The following PID1 variants were observed in gnomAD, a reference collection of about 807,000 sequenced individuals.
PID1 encodes PTB-containing, cubilin and LRP1-interacting protein.
A neutral mutation model predicts 19.1 loss-of-function variants in PID1; 10 were observed. That is an observed-to-expected ratio of 0.52 (90% CI 0.32 to 0.89). PID1 has a LOEUF of 0.89. PID1 is among the 40% of genes least tolerant of loss of function. The pLI, the probability that PID1 is intolerant of heterozygous loss-of-function variation, is 0.03. For synonymous variants in PID1, 130 were observed against 116.0 expected (o/e 1.12, Z -0.78); for missense variants, 248 against 285.3 (o/e 0.87, Z 0.94).
chr2:229,153,867 C>T (rs368963765), intron 2 of PID1, among the ~76,000 whole-genome samples: 3 of 152,298 alleles, frequency 2.0e-5, no homozygotes. Flanking sequence ...CTTAATTCTC[C>T]TCCATATACT....
In PID1 at chr2:229,237,001, C is replaced by CACAT. The variant is rs1273545641; in HGVS notation, c.30+34012_30+34013insATGT. On this transcript the variant is annotated intron_variant, in intron 1 of 2. Transcript: ENST00000392055. ...TTACACACACATACACACACACACA[C>CACAT]ACACACACACACACACACACACACT... is the stretch of plus-strand genomic sequence containing the variant. Among the ~76,000 whole-genome samples, 6 of 151,480 alleles carry CACAT rather than the reference C, an allele frequency of 4.0e-5. No individual in the cohort carries two copies. In the East Asian group the frequency reaches 1.2e-3, roughly 29 times the overall value.
intron 1 of PID1, among the ~76,000 whole-genome samples, chr2:229,176,837 G>C (rs977995669): frequency 1.3e-5 from 2 of 152,154 alleles, no homozygotes; most frequent in African/African-American, 4.8e-5. Context: ...ACAACAGCAA[G>C]GGTTGCCTGA....
intron 1 of PID1, among the ~76,000 whole-genome samples, chr2:229,197,315 C>T (rs541053270): frequency 2.6e-5 from 4 of 151,856 alleles, no homozygotes; most frequent in African/African-American, 9.7e-5. Context: ...AATAAAATTC[C>T]TAAAGAGAAG....
At chr2:229,040,679 G>T (rs928695639) in intron 2 of PID1, among the ~76,000 whole-genome samples, 3 of 152,194 alleles carry the variant, frequency 2.0e-5, no homozygotes, top group South Asian at 4.2e-4. Flanking sequence ...AAACATAACT[G>T]CAGTGAAGAG....
At chr2:229,267,223 C>G (rs996879914) in intron 1 of PID1, among the ~76,000 whole-genome samples, 1 of 152,198 alleles carries the variant, frequency 6.6e-6, no homozygotes, top group Non-Finnish European at 1.5e-5. Flanking sequence ...TGGGGTCCTC[C>G]CTACTCTTCA....
At chr2:229,196,673 T>C (rs1022328907) in intron 1 of PID1, among the ~76,000 whole-genome samples, 1 of 152,006 alleles carries the variant, frequency 6.6e-6, no homozygotes, top group Admixed American at 6.6e-5. Flanking sequence ...AGGGCAGACT[T>C]TGTGGTCAGA....
intron 2 of PID1, among the ~76,000 whole-genome samples, chr2:229,061,767 T>C (rs1303691635): frequency 2.6e-5 from 4 of 152,000 alleles, no homozygotes; most frequent in African/African-American, 4.8e-5. Flanking sequence ...ATTCATGTTG[T>C]CCACAATTTC....
chr2:229,129,674 C>A (rs1252746493), intron 2 of PID1, among the ~76,000 whole-genome samples: 1 of 152,110 alleles, frequency 6.6e-6, no homozygotes, highest in African/African-American at 2.4e-5. Flanking sequence ...GATCAAGAAG[C>A]ACATTTCTAG....
At chr2:229,186,102 G>C (rs1430666184) in intron 1 of PID1, among the ~76,000 whole-genome samples, 1 of 152,148 alleles carries the variant, frequency 6.6e-6, no homozygotes, top group Non-Finnish European at 1.5e-5. Context: ...AAATCCAGCA[G>C]GGTAGTCAAA....
At chr2:229,200,094 G>A (rs1379471528) in intron 1 of PID1, among the ~76,000 whole-genome samples, 10 of 151,880 alleles carry the variant, frequency 6.6e-5, no homozygotes, top group East Asian at 1.9e-4. Flanking sequence ...AATTTGGTTC[G>A]TTTGTGAGGC....
At chr2:229,232,143 G>T (rs534787341) in intron 1 of PID1, 10 of 1,448,292 alleles carry the variant, frequency 6.9e-6, no homozygotes, top group Non-Finnish European at 8.2e-6. Flanking sequence ...GTCCCTCTTG[G>T]CCGGGTGCAG....
chr2:229,153,585 C>T (rs1690303389), intron 2 of PID1, among the ~76,000 whole-genome samples: 1 of 151,880 alleles, frequency 6.6e-6, no homozygotes. Context: ...TGATTTCCTA[C>T]TATTTTTTTT....
chr2:229,139,808 C>T (rs531874091), intron 2 of PID1, among the ~76,000 whole-genome samples: 1 of 152,266 alleles, frequency 6.6e-6, no homozygotes, highest in South Asian at 2.1e-4. Context: ...GGAACAGTCT[C>T]AGCACTGGAG....
chr2:229,189,756 G>A (rs747821885), intron 1 of PID1, among the ~76,000 whole-genome samples: 8 of 152,218 alleles, frequency 5.3e-5, no homozygotes, highest in African/African-American at 9.6e-5. Flanking sequence ...AATCCATAAC[G>A]CAGAACAGTC....
intron 2 of PID1, among the ~76,000 whole-genome samples, chr2:229,112,506 G>C (rs1464753904): frequency 6.6e-6 from 1 of 152,052 alleles, no homozygotes; most frequent in Non-Finnish European, 1.5e-5. Flanking sequence ...TATTTTTTGA[G>C]ACAGAGTCTT....
chr2:229,260,513 T>C (rs1690432526), intron 1 of PID1, among the ~76,000 whole-genome samples: 1 of 151,000 alleles, frequency 6.6e-6, no homozygotes, highest in African/African-American at 2.4e-5. Flanking sequence ...TGTGTGTGTG[T>C]GTATATATAT....
chr2:229,054,146 C>A (rs192744352), intron 2 of PID1, among the ~76,000 whole-genome samples: 1 of 152,078 alleles, frequency 6.6e-6, no homozygotes, highest in Non-Finnish European at 1.5e-5. Context: ...ACAAAGTGAA[C>A]CCCAATAATG....
chr2:229,104,241 C>T (rs532383595), intron 2 of PID1, among the ~76,000 whole-genome samples: 3 of 152,282 alleles, frequency 2.0e-5, no homozygotes, highest in African/African-American at 7.2e-5. Flanking sequence ...CTAAATTGCC[C>T]TTGAACCACC....
At chr2:229,101,545 G>A (rs778721892) in intron 2 of PID1, among the ~76,000 whole-genome samples, 15 of 152,150 alleles carry the variant, frequency 9.9e-5, no homozygotes. Context: ...TGGGCCAAAT[G>A]CTATGCAAAA....
Sources: gnomAD v4.1 joint callset for allele counts (sites outside exome capture counted in the v4.1 genomes callset) on GRCh38, gnomAD v4.1.1 for gene constraint, MANE v1.5 for transcripts, NCBI Gene and HGNC (gene_info 2026-07-23, HGNC 2026-07-21) for gene names.